The following ADGRL3 variants were observed in gnomAD, a reference collection of about 807,000 sequenced individuals.
The protein encoded by ADGRL3 is calcium-independent alpha-latrotoxin receptor 3.
In ADGRL3, 62 loss-of-function variants were observed where a neutral mutation model predicts 153.5. That is an observed-to-expected ratio of 0.40 (90% CI 0.33 to 0.50). The LOEUF is 0.50. ADGRL3 is among the 20% of genes least tolerant of loss of function. The probability of loss-of-function intolerance (pLI) is 0.47; values close to 1 mark genes in which losing one functional copy is unlikely to be tolerated. For synonymous variants in ADGRL3, 710 were observed against 672.5 expected, an observed-to-expected ratio of 1.06 and a Z score of -0.86; for missense variants, 1,641 against 1,859.4, an observed-to-expected ratio of 0.88 and a Z score of 2.16.
At chr4:61,857,965 T>A (rs918079580) in intron 9 of ADGRL3, among the ~76,000 whole-genome samples, 1 of 152,218 alleles carries the variant, frequency 6.6e-6, no homozygotes, top group African/African-American at 2.4e-5. Context: ...TGTGAGAAAC[T>A]TTAATGAGGC....
intron 17 of ADGRL3, among the ~76,000 whole-genome samples, chr4:61,955,051 C>CT (rs1460312866): frequency 1.3e-5 from 2 of 152,260 alleles, no homozygotes; most frequent in Admixed American, 1.3e-4. Context: ...AGCACTGAAG[C>CT]TTTTCTGCCT....
chr4:61,210,164 A>T (rs1196977939), intron 1 of ADGRL3, among the ~76,000 whole-genome samples: 1 of 152,204 alleles, frequency 6.6e-6, no homozygotes, highest in Non-Finnish European at 1.5e-5. Context: ...AAAGGAAAGG[A>T]TATGATATAG....
At chr4:61,579,115 A>G (rs2098910760) in intron 4 of ADGRL3, among the ~76,000 whole-genome samples, 1 of 152,034 alleles carries the variant, frequency 6.6e-6, no homozygotes, top group Admixed American at 6.6e-5. Flanking sequence ...ACTTCATCCC[A>G]TATAGGACCA....
chr4:61,696,670 C>CTTTTTTTTTTT (rs34306284), intron 6 of ADGRL3, among the ~76,000 whole-genome samples: 18 of 102,016 alleles, frequency 1.8e-4, no homozygotes, highest in African/African-American at 4.0e-4. Context: ...TTTTTTTAAC[C>CTTTTTTTTTTT]TTTTTTTTTT....
intron 4 of ADGRL3, among the ~76,000 whole-genome samples, chr4:61,578,269 C>T (rs911465689): frequency 6.6e-6 from 1 of 151,910 alleles, no homozygotes; most frequent in African/African-American, 2.4e-5. Context: ...GTCTAAGCCA[C>T]GGTTTGGTAA....
chr4:61,259,339 C>A (rs1056095700), intron 1 of ADGRL3, among the ~76,000 whole-genome samples: 4 of 151,910 alleles, frequency 2.6e-5, no homozygotes, highest in Admixed American at 2.6e-4. Context: ...AGGAGAATGG[C>A]GTGAACCCGG....
chr4:61,981,172 A>AT (rs1272848029), intron 18 of ADGRL3, among the ~76,000 whole-genome samples: 1 of 152,104 alleles, frequency 6.6e-6, no homozygotes, highest in Non-Finnish European at 1.5e-5. Flanking sequence ...TATTGTCATT[A>AT]TTTTTTTCTT....
chr4:62,058,311 T>C (rs1421914118), intron 25 of ADGRL3, among the ~76,000 whole-genome samples: 1 of 152,118 alleles, frequency 6.6e-6, no homozygotes, highest in African/African-American at 2.4e-5. Context: ...GTAGAGTACC[T>C]GGTACAGGAT....
chr4:61,752,208 A>T (rs2096765910), intron 8 of ADGRL3, among the ~76,000 whole-genome samples: 1 of 152,162 alleles, frequency 6.6e-6, no homozygotes, highest in Admixed American at 6.5e-5. Context: ...AAGAATAAAG[A>T]ATAGAAATTT....
intron 25 of ADGRL3, among the ~76,000 whole-genome samples, chr4:62,064,390 C>T (rs1020329995): frequency 6.6e-6 from 1 of 150,694 alleles, no homozygotes; most frequent in Non-Finnish European, 1.5e-5. Context: ...TGTAAGCATT[C>T]GGACATGGTT....
At chr4:62,041,214 A>G (rs1728094822) in intron 24 of ADGRL3, among the ~76,000 whole-genome samples, 1 of 152,052 alleles carries the variant, frequency 6.6e-6, no homozygotes, top group African/African-American at 2.4e-5. Flanking sequence ...TAAAACGTAA[A>G]AATCCTCTTC....
chr4:61,946,658 G>T (rs1298245449), intron 15 of ADGRL3, among the ~76,000 whole-genome samples: 4 of 152,032 alleles, frequency 2.6e-5, no homozygotes, highest in Non-Finnish European at 5.9e-5. Flanking sequence ...TTATGTTTAG[G>T]TGTATGATCT....
chr4:61,622,891 TAAAG>T (rs1454004581), intron 5 of ADGRL3, among the ~76,000 whole-genome samples: 1 of 152,078 alleles, frequency 6.6e-6, no homozygotes, highest in Admixed American at 6.6e-5. Flanking sequence ...AGTCATATCA[TAAAG>T]AAACTATTAT....
At chr4:61,476,755 A>AAGAAT (rs1294960515) in intron 2 of ADGRL3, among the ~76,000 whole-genome samples, 1 of 149,166 alleles carries the variant, frequency 6.7e-6, no homozygotes, top group Non-Finnish European at 1.5e-5. Flanking sequence ...AACATAGAAG[A>AAGAAT]AGAATAGACA....
At chr4:61,464,142 G>A (rs975450064) in intron 2 of ADGRL3, among the ~76,000 whole-genome samples, 7 of 152,180 alleles carry the variant, frequency 4.6e-5, no homozygotes, top group African/African-American at 7.2e-5. Flanking sequence ...ATAGTTTGTA[G>A]ATCCATGACT....
chr4:61,605,089 C>CAAAAAAAAA (rs71211396), intron 5 of ADGRL3, among the ~76,000 whole-genome samples: 4 of 61,420 alleles, frequency 6.5e-5, no homozygotes, highest in East Asian at 5.6e-4. Flanking sequence ...GACTCTGTCT[C>CAAAAAAAAA]AAAAAAAAAA....
At chr4:61,578,412 A>G (rs1163786562) in intron 4 of ADGRL3, among the ~76,000 whole-genome samples, 1 of 152,112 alleles carries the variant, frequency 6.6e-6, no homozygotes, top group Non-Finnish European at 1.5e-5. Flanking sequence ...TAAATAGCTC[A>G]TTCCAGTATC....
At position 61,842,371 on chromosome 4, in the gene ADGRL3, A is replaced by C. The variant is rs2098045871; in HGVS notation, c.1480+28482A>C. Among the ~76,000 whole-genome samples the C allele has an allele frequency of 2.0e-5, 3 of 152,126 alleles. No homozygotes were observed. The South Asian group carries it at 6.2e-4, about 31-fold the overall frequency. On this transcript the variant is annotated intron_variant, in intron 9 of 26. Coordinates refer to ENST00000683033, the MANE Select transcript of ADGRL3 (RefSeq NM_001387552.1). ...AGTTTACATTATCTTCTGACTAATAAATTTTTTAGCGTACAAGATATTTAA... is the reference window on the plus strand; with the variant it reads ...AGTTTACATTATCTTCTGACTAATACATTTTTTAGCGTACAAGATATTTAA...
At chr4:61,272,674 A>G (rs2093258695) in intron 1 of ADGRL3, among the ~76,000 whole-genome samples, 1 of 152,114 alleles carries the variant, frequency 6.6e-6, no homozygotes, top group Admixed American at 6.6e-5. Flanking sequence ...TTTTATTGAC[A>G]TACATCAAAT....
Sources: gnomAD v4.1 joint callset for allele counts (sites outside exome capture counted in the v4.1 genomes callset) on GRCh38, gnomAD v4.1.1 for gene constraint, MANE v1.5 for transcripts, NCBI Gene and HGNC (gene_info 2026-07-23, HGNC 2026-07-21) for gene names.